Variants in ATXN1 observed in about 807,000 individuals in gnomAD.
The protein encoded by ATXN1 is ataxin 1.
ATXN1 carries 8 observed loss-of-function variants against 56.4 expected under a neutral mutation model. That is an observed-to-expected ratio of 0.14 (90% CI 0.08 to 0.26). ATXN1 has a LOEUF of 0.26. Ranked by LOEUF, ATXN1 falls within the 10% of genes least tolerant of loss-of-function variation. The pLI, the probability that ATXN1 is intolerant of heterozygous loss-of-function variation, is 1.00. For synonymous variants in ATXN1, 514 were observed against 494.6 expected (o/e 1.04, Z -0.52); for missense variants, 987 against 1,106.5 (o/e 0.89, Z 1.53).
intron 2 of ATXN1, among the ~76,000 whole-genome samples, chr6:16,736,653 T>C (rs1322433309): frequency 1.3e-5 from 2 of 152,226 alleles, no homozygotes; most frequent in Non-Finnish European, 2.9e-5. Context: ...GTCACTCATG[T>C]GTCTGCACGT....
chr6:16,484,922 TAAG>T (rs1471718824), intron 6 of ATXN1, among the ~76,000 whole-genome samples: 2 of 149,868 alleles, frequency 1.3e-5, no homozygotes, highest in African/African-American at 4.9e-5. Context: ...CTGGCTGAGT[TAAG>T]AAGCTGGAAA....
At chr6:16,476,513 T>G (rs576576942) in intron 6 of ATXN1, among the ~76,000 whole-genome samples, 9 of 150,696 alleles carry the variant, frequency 6.0e-5, no homozygotes, top group African/African-American at 2.2e-4. Context: ...TTAACAGTTA[T>G]ATAATAATCC....
intron 7 of ATXN1, among the ~76,000 whole-genome samples, chr6:16,308,229 G>C (rs1760301150): frequency 6.6e-6 from 1 of 152,066 alleles, no homozygotes; most frequent in Admixed American, 6.6e-5. Flanking sequence ...AGGAGGCTGA[G>C]GCAAGAGAAT....
chr6:16,686,845 TTCTA>T (rs973164008), intron 2 of ATXN1, among the ~76,000 whole-genome samples: 6 of 152,230 alleles, frequency 3.9e-5, no homozygotes, highest in Non-Finnish European at 8.8e-5. Context: ...AGGATTATGT[TTCTA>T]TCTAAGTCCC....
chr6:16,507,200 CTGT>C (rs1185644175), intron 5 of ATXN1, among the ~76,000 whole-genome samples: 11 of 152,070 alleles, frequency 7.2e-5, no homozygotes, highest in South Asian at 4.1e-4. Flanking sequence ...GGTTTAATAT[CTGT>C]TGTTATTCCT....
At chr6:16,423,352 T>C (rs1759075329) in intron 6 of ATXN1, among the ~76,000 whole-genome samples, 1 of 152,216 alleles carries the variant, frequency 6.6e-6, no homozygotes, top group African/African-American at 2.4e-5. Context: ...ATTGAGATGC[T>C]GTCATCAATC....
intron 5 of ATXN1, among the ~76,000 whole-genome samples, chr6:16,514,387 C>T (rs572358844): frequency 2.5e-4 from 38 of 152,230 alleles, no homozygotes; most frequent in African/African-American, 7.9e-4. Flanking sequence ...CGTCTGAGAG[C>T]GAGGCACACC....
At chr6:16,570,792 T>A (rs1762318919) in intron 4 of ATXN1, among the ~76,000 whole-genome samples, 1 of 152,178 alleles carries the variant, frequency 6.6e-6, no homozygotes. Context: ...AAAAACTAAG[T>A]TAAGATGTAA....
chr6:16,412,665 C>A (rs547672903), intron 6 of ATXN1, among the ~76,000 whole-genome samples: 36 of 152,316 alleles, frequency 2.4e-4, no homozygotes, highest in Admixed American at 2.0e-4. Flanking sequence ...TCCTAGGATG[C>A]CCTCACCCAC....
chr6:16,313,763 T>A (rs1171761368), intron 7 of ATXN1, among the ~76,000 whole-genome samples: 1 of 152,018 alleles, frequency 6.6e-6, no homozygotes, highest in African/African-American at 2.4e-5. Flanking sequence ...TCATTCACCA[T>A]GTTGGCCAAG....
chr6:16,412,348 T>C (rs1316685595), intron 6 of ATXN1, among the ~76,000 whole-genome samples: 1 of 152,184 alleles, frequency 6.6e-6, no homozygotes, highest in Non-Finnish European at 1.5e-5. Flanking sequence ...GCGTGTCCCT[T>C]ATCATCTAAA....
chr6:16,492,791 G>A (rs898153538), intron 5 of ATXN1, among the ~76,000 whole-genome samples: 2 of 151,950 alleles, frequency 1.3e-5, no homozygotes, highest in African/African-American at 2.4e-5. Context: ...ACTGTTTATC[G>A]TTCTTAAATC....
intron 3 of ATXN1, among the ~76,000 whole-genome samples, chr6:16,648,969 C>T (rs990201132): frequency 1.6e-4 from 25 of 151,562 alleles, no homozygotes; most frequent in Non-Finnish European, 2.9e-4. Context: ...CATATGCATA[C>T]ATATATAATA....
chr6:16,609,824 C>T (rs561278586), intron 3 of ATXN1, among the ~76,000 whole-genome samples: 24 of 152,046 alleles, frequency 1.6e-4, no homozygotes, highest in African/African-American at 5.8e-4. Context: ...AAGTTTCAGA[C>T]AAGATGTGAT....
At chr6:16,533,966 G>A (rs1164656621) in intron 4 of ATXN1, among the ~76,000 whole-genome samples, 5 of 152,070 alleles carry the variant, frequency 3.3e-5, no homozygotes, top group East Asian at 3.9e-4. Flanking sequence ...GCAGAATAAC[G>A]TTGAGTCATG....
At chr6:16,745,712 G>A (rs4712292) in intron 2 of ATXN1, among the ~76,000 whole-genome samples, 1 of 152,016 alleles carries the variant, frequency 6.6e-6, no homozygotes, top group Non-Finnish European at 1.5e-5. Context: ...GGTTAGTGGA[G>A]GGTGCTTAGT....
At chr6:16,319,209 C>A (rs1385411115) in intron 7 of ATXN1, among the ~76,000 whole-genome samples, 1 of 150,770 alleles carries the variant, frequency 6.6e-6, no homozygotes, top group Non-Finnish European at 1.5e-5. Flanking sequence ...CAGAGCAAGA[C>A]CCTATCTCAA....
At chr6:16,601,210 T>G (rs1251930302) in intron 3 of ATXN1, among the ~76,000 whole-genome samples, 2 of 152,258 alleles carry the variant, frequency 1.3e-5, no homozygotes, top group Admixed American at 1.3e-4. Flanking sequence ...TAAATTCATG[T>G]GTAATTTCAA....
At chr6:16,496,097 C>T (rs1410680664) in intron 5 of ATXN1, among the ~76,000 whole-genome samples, 1 of 152,170 alleles carries the variant, frequency 6.6e-6, no homozygotes, top group East Asian at 1.9e-4. Flanking sequence ...CAACTCCATA[C>T]TTTAAACTCC....
Sources: gnomAD v4.1 joint callset for allele counts (sites outside exome capture counted in the v4.1 genomes callset) on GRCh38, gnomAD v4.1.1 for gene constraint, MANE v1.5 for transcripts, NCBI Gene and HGNC (gene_info 2026-07-23, HGNC 2026-07-21) for gene names.